The following LRRTM4 variants were observed in gnomAD, a reference collection of about 807,000 sequenced individuals.
LRRTM4 encodes leucine rich repeat transmembrane neuronal 4, also known as leucine-rich repeat transmembrane neuronal protein 4.
In LRRTM4, 25 loss-of-function variants were observed where a neutral mutation model predicts 47.6. The observed-to-expected ratio is 0.53, with a 90% CI of 0.38 to 0.73. The LOEUF (loss-of-function observed/expected upper bound fraction) is 0.73, where lower values mean the gene tolerates loss of function less well. LRRTM4 is among the 30% of genes least tolerant of loss of function. LRRTM4 has a pLI of 0.00. For missense variants in LRRTM4, 638 were observed against 713.4 expected, an observed-to-expected ratio of 0.89 and a Z score of 1.20; for synonymous variants, 311 against 269.5, an observed-to-expected ratio of 1.15 and a Z score of -1.51.
intron 3 of LRRTM4, among the ~76,000 whole-genome samples, chr2:76,986,331 T>C (rs1450075680): frequency 1.3e-5 from 2 of 151,962 alleles, no homozygotes; most frequent in African/African-American, 2.4e-5. Context: ...GTAGAAGATT[T>C]CATTTCATAG....
intron 3 of LRRTM4, among the ~76,000 whole-genome samples, chr2:77,363,021 T>C (rs1313977291): frequency 1.3e-5 from 2 of 152,224 alleles, no homozygotes; most frequent in Non-Finnish European, 2.9e-5. Flanking sequence ...ATTTTTCTGA[T>C]GAGAACATTG....
At chr2:77,382,493 T>C (rs1673100542) in intron 3 of LRRTM4, among the ~76,000 whole-genome samples, 1 of 152,034 alleles carries the variant, frequency 6.6e-6, no homozygotes, top group Non-Finnish European at 1.5e-5. Flanking sequence ...TTCACAAACA[T>C]CTTATGTCAT....
chr2:76,896,177 G>T (rs1174532655), intron 3 of LRRTM4, among the ~76,000 whole-genome samples: 1 of 151,898 alleles, frequency 6.6e-6, no homozygotes, highest in Non-Finnish European at 1.5e-5. Flanking sequence ...TCTTACACTG[G>T]TTAGAGTTTT....
rs75355943 is a variant in LRRTM4 at position 76,893,208 on chromosome 2, A to G, written c.1552-144292T>C. 2.6e-5 allele frequency among the ~76,000 whole-genome samples: 4 copies of G among 151,806 alleles called. No individual in the cohort carries two copies. In the East Asian group the frequency reaches 7.7e-4, roughly 29 times the overall value. On this transcript the variant is annotated intron_variant, in intron 3 of 3. Transcript: ENST00000409884. ...TTAGTTACATTTTGTATTAAAGGAA[A>G]AAGATGCTCACACTTGATCTTTAAA...
At chr2:76,757,128 T>TA (rs1411044555) in intron 3 of LRRTM4, among the ~76,000 whole-genome samples, 1 of 152,114 alleles carries the variant, frequency 6.6e-6, no homozygotes, top group Non-Finnish European at 1.5e-5. Flanking sequence ...AAAATGTGTA[T>TA]AGCAGATTGA....
chr2:77,105,643 A>G (rs893109665), intron 3 of LRRTM4, among the ~76,000 whole-genome samples: 3 of 152,200 alleles, frequency 2.0e-5, no homozygotes, highest in African/African-American at 7.2e-5. Flanking sequence ...CATGTACCCT[A>G]AAACTTAAAG....
At chr2:76,925,868 GTATT>G (rs1674574476) in intron 3 of LRRTM4, among the ~76,000 whole-genome samples, 2 of 152,124 alleles carry the variant, frequency 1.3e-5, no homozygotes, top group South Asian at 4.1e-4. Flanking sequence ...ACCTCACACA[GTATT>G]TATAATGAAA....
chr2:77,085,457 C>A lies in LRRTM4; in HGVS notation c.1552-336541G>T, dbSNP rs372576236. On this transcript the variant is annotated intron_variant, in intron 3 of 3. Transcript: ENST00000409884. ...ATGCTATCTCTTTCTAAATAAAAGA[C>A]AGATTAACTTATACTAAAATTATTA... Among the ~76,000 whole-genome samples, 4 of 150,222 alleles carry A rather than the reference C, an allele frequency of 2.7e-5. No individual in the cohort carries two copies. The East Asian group carries it at 5.9e-4, about 22-fold the overall frequency.
intron 3 of LRRTM4, among the ~76,000 whole-genome samples, chr2:77,410,338 CT>C (rs1252959571): frequency 6.6e-5 from 10 of 152,218 alleles, no homozygotes; most frequent in African/African-American, 2.4e-4. Flanking sequence ...TTTTTAAGGT[CT>C]ATTTTAAAGA....
intron 3 of LRRTM4, among the ~76,000 whole-genome samples, chr2:77,125,505 C>T (rs575185876): frequency 1.3e-5 from 2 of 152,196 alleles, no homozygotes; most frequent in African/African-American, 4.8e-5. Context: ...AGTCAAACCT[C>T]CTTTGTCATT....
intron 3 of LRRTM4, among the ~76,000 whole-genome samples, chr2:77,077,017 T>G (rs1180346171): frequency 6.6e-6 from 1 of 152,158 alleles, no homozygotes; most frequent in Non-Finnish European, 1.5e-5. Flanking sequence ...TCAACTATTG[T>G]AATCCATTCC....
intron 3 of LRRTM4, among the ~76,000 whole-genome samples, chr2:76,795,233 G>A (rs924243627): frequency 7.0e-6 from 1 of 143,352 alleles, no homozygotes; most frequent in Non-Finnish European, 1.5e-5. Context: ...TGAAAAGTGT[G>A]TTTTGTACTT....
intron 3 of LRRTM4, among the ~76,000 whole-genome samples, chr2:77,141,165 A>T (rs1278397828): frequency 6.6e-6 from 1 of 152,200 alleles, no homozygotes; most frequent in Non-Finnish European, 1.5e-5. Context: ...GTAAAGACAC[A>T]TGTACACGTA....
intron 3 of LRRTM4, among the ~76,000 whole-genome samples, chr2:77,380,747 G>T (rs1048378623): frequency 3.3e-5 from 5 of 150,972 alleles, no homozygotes; most frequent in Non-Finnish European, 7.4e-5. Context: ...AGTGAGCCAA[G>T]ATCACACCAC....
At chr2:77,340,210 C>T (rs972565011) in intron 3 of LRRTM4, among the ~76,000 whole-genome samples, 7 of 151,778 alleles carry the variant, frequency 4.6e-5, no homozygotes, top group East Asian at 3.9e-4. Context: ...GTCTCCACCA[C>T]GCATTGCTGG....
chr2:77,232,371 A>G (rs1056238481), intron 3 of LRRTM4, among the ~76,000 whole-genome samples: 2 of 152,222 alleles, frequency 1.3e-5, no homozygotes, highest in Non-Finnish European at 1.5e-5. Context: ...AATTCTACTT[A>G]ACATGTATCT....
At chr2:76,837,654 C>G (rs1482795209) in intron 3 of LRRTM4, among the ~76,000 whole-genome samples, 1 of 152,058 alleles carries the variant, frequency 6.6e-6, no homozygotes, top group East Asian at 1.9e-4. Flanking sequence ...TATTGCAGCA[C>G]TATTCACAAT....
chr2:77,447,644 C>T (rs998203840), intron 3 of LRRTM4, among the ~76,000 whole-genome samples: 1 of 152,092 alleles, frequency 6.6e-6, no homozygotes, highest in Non-Finnish European at 1.5e-5. Flanking sequence ...TTTAACCATT[C>T]AACACGTATG....
chr2:77,090,539 C>T (rs531172666), intron 3 of LRRTM4, among the ~76,000 whole-genome samples: 23 of 152,272 alleles, frequency 1.5e-4, no homozygotes, highest in Non-Finnish European at 2.4e-4. Flanking sequence ...ACAATTCCTT[C>T]CCTCCACTAT....
Sources: allele counts gnomAD v4.1 joint callset (sites outside exome capture counted in the v4.1 genomes callset), GRCh38; gene constraint gnomAD v4.1.1; transcripts MANE v1.5; gene names NCBI Gene and HGNC (gene_info 2026-07-23, HGNC 2026-07-21).